HAPLN1: variants seen among roughly 807,000 people sequenced by gnomAD.
HAPLN1 encodes Cartilage link protein.
A neutral mutation model predicts 36.5 loss-of-function variants in HAPLN1; 13 were observed. The observed-to-expected ratio is 0.36, with a 90% confidence interval of 0.23 to 0.57. The LOEUF (loss-of-function observed/expected upper bound fraction) is 0.57. HAPLN1 is among the 20% of genes least tolerant of loss of function. The pLI, the probability that HAPLN1 is intolerant of heterozygous loss-of-function variation, is 0.83. For missense variants in HAPLN1, 407 were observed against 439.7 expected (o/e 0.93, Z 0.66); for synonymous variants, 202 against 169.8 (o/e 1.19, Z -1.48).
chr5:83,707,817 T>G (rs934074993), intron 1 of HAPLN1, among the ~76,000 whole-genome samples: 1 of 152,090 alleles, frequency 6.6e-6, no homozygotes, highest in African/African-American at 2.4e-5. Context: ...GAGAAAATGT[T>G]TGCAAACTAT....
At chr5:83,646,684 C>T (rs962387516) in intron 3 of HAPLN1, among the ~76,000 whole-genome samples, 12 of 152,308 alleles carry the variant, frequency 7.9e-5, no homozygotes, top group African/African-American at 2.2e-4. Context: ...TCTTGGTTGC[C>T]ACTAACTCCT....
rs144082755 is a variant in HAPLN1 at position 83,673,448 on chromosome 5, G to C, written c.76C>G (p.His26Asp). 1.9e-6 allele frequency: 3 copies of C among 1,609,286 alleles called. No homozygotes were observed. Among genetic ancestry groups the C allele is most frequent in the African/African-American group, 2.7e-5 (2 of 74,708 alleles). The change falls in exon 2 of 5, where the codon CAT (histidine) becomes GAT (aspartate). Residue 26 changes from histidine (H) to aspartate (D), a missense_variant. Transcript: ENST00000274341. Reference sequence around the variant, plus strand: ...CCTTGGATGTGAATAGCTCTGTCATGATCCAGAGTATAGTTGTCTGAAAGA... The same window carrying C: ...CCTTGGATGTGAATAGCTCTGTCATCATCCAGAGTATAGTTGTCTGAAAGA... ...DHLSDNYTLD[H>D]DRAIHIQAEN...
chr5:83,719,591 A>G (rs1055758142), intron 1 of HAPLN1, among the ~76,000 whole-genome samples: 6 of 152,210 alleles, frequency 3.9e-5, no homozygotes, highest in African/African-American at 1.4e-4. Context: ...TTTGTAGGTA[A>G]ATGGAATTTG....
At chr5:83,673,376 T>C in intron 2 of HAPLN1, 48 bp downstream of exon 2, 1 of 1,308,148 alleles carries the variant, frequency 7.6e-7, no homozygotes, top group Non-Finnish European at 1.1e-6. Context: ...CAACTCTAAG[T>C]AACTTAAAAT....
At chr5:83,706,474 A>G (rs1030672113) in intron 1 of HAPLN1, among the ~76,000 whole-genome samples, 3 of 152,250 alleles carry the variant, frequency 2.0e-5, no homozygotes, top group Non-Finnish European at 2.9e-5. Flanking sequence ...AACTAAAGAC[A>G]AAACCCACAT....
rs1561295331 is a variant in HAPLN1 at position 83,638,693 on chromosome 5, G to A, written c.*2803C>T. 6.6e-6 allele frequency: 1 copy of A among 151,894 alleles called. No individual in the cohort carries two copies. Among genetic ancestry groups the A allele is most frequent in the Non-Finnish European group, 1.5e-5 (1 of 67,910 alleles). 9.4% of individuals were successfully genotyped at this position (151,894 alleles called of 1,614,324 possible). A position where few individuals can be genotyped will look rare whatever the true frequency, so the allele number is the denominator to read the frequency against. ...GTTGCATAAAATAACACTTTGACAG[G>A]TACCAGCCCCCTTTCCATGAGAGAA... On this transcript the variant is annotated 3_prime_UTR_variant, in exon 5 of 5. Transcript: ENST00000274341.
chr5:83,680,833 A>G (rs534957075), intron 1 of HAPLN1, among the ~76,000 whole-genome samples: 2 of 152,298 alleles, frequency 1.3e-5, no homozygotes, highest in Admixed American at 6.5e-5. Context: ...CATTATACAC[A>G]AAGATCATCA....
At chr5:83,710,100 G>T (rs977695381) in intron 1 of HAPLN1, among the ~76,000 whole-genome samples, 1 of 152,206 alleles carries the variant, frequency 6.6e-6, no homozygotes, top group Non-Finnish European at 1.5e-5. Context: ...TGCTAGTGCA[G>T]GTGGTTTAGA....
chr5:83,652,374 A>G (rs1188222313), intron 3 of HAPLN1, 79 bp downstream of exon 3: 13 of 1,419,860 alleles, frequency 9.2e-6, no homozygotes, highest in Admixed American at 2.2e-5. Flanking sequence ...TGTGTTAACC[A>G]CTAGACATTA....
chr5:83,693,105 A>G (rs1025989197), intron 1 of HAPLN1, among the ~76,000 whole-genome samples: 5 of 151,886 alleles, frequency 3.3e-5, no homozygotes, highest in Admixed American at 1.3e-4. Context: ...ATAACAATAT[A>G]CTGTCATAAA....
At chr5:83,643,814 A>C (rs1407512848) in intron 4 of HAPLN1, among the ~76,000 whole-genome samples, 1 of 152,214 alleles carries the variant, frequency 6.6e-6, no homozygotes, top group African/African-American at 2.4e-5. Flanking sequence ...CAGCAAGAGA[A>C]GGGCTGAGAG....
intron 2 of HAPLN1, among the ~76,000 whole-genome samples, chr5:83,665,544 A>G (rs1750528155): frequency 6.6e-6 from 1 of 152,130 alleles, no homozygotes; most frequent in Non-Finnish European, 1.5e-5. Context: ...TTTTATTTTA[A>G]ACTTTCAATC....
intron 1 of HAPLN1, among the ~76,000 whole-genome samples, chr5:83,699,570 C>CTTACATGT (rs1331299095): frequency 6.6e-6 from 1 of 152,136 alleles, no homozygotes; most frequent in Admixed American, 6.6e-5. Context: ...TTTATGTATG[C>CTTACATGT]TTACATGTTT....
chr5:83,645,798 A>G (rs1199159985), intron 3 of HAPLN1, among the ~76,000 whole-genome samples: 2 of 152,058 alleles, frequency 1.3e-5, no homozygotes, highest in Non-Finnish European at 2.9e-5. Flanking sequence ...ATTTAAAAGT[A>G]TTTCCATTAC....
Position 83,652,619 on chromosome 5 carries a change from T to A in HAPLN1, c.306A>T (p.Lys102Asn), listed in dbSNP as rs745544286. The change falls in exon 3 of 5, where the codon AAA becomes AAT. Residue 102 changes from lysine to asparagine, a missense_variant. By Grantham distance (94) the Lys-to-Asn change is moderately conservative (BLOSUM62 0). Coordinates refer to ENST00000274341, the MANE Select transcript of HAPLN1 (RefSeq NM_001884.4). ...VDVFVSMGYH[K>N]KTYGGYQGRV... is the part of the protein sequence containing the mutation. ...TACCCTGGTAGCCTCCATAGGTTTTTTTGTGGTATCCCATGGAAACAAAAA... is the reference window on the plus strand; with the variant it reads ...TACCCTGGTAGCCTCCATAGGTTTTATTGTGGTATCCCATGGAAACAAAAA... 3.1e-6 allele frequency: 5 copies of A among 1,614,086 alleles called. No individual in the cohort carries two copies.
rs73769325 is a variant in HAPLN1 at position 83,662,672 on chromosome 5, C to T, written c.101-9848G>A. On this transcript the variant is annotated intron_variant, in intron 2 of 4. Transcript: ENST00000274341. ...GGATATGGGGAAACGAAAACATTAG[C>T]ATGAGTCATTCTTCTTCATTAGGCT... 1.7e-3 allele frequency among the ~76,000 whole-genome samples: 256 copies of T among 152,326 alleles called. 2 individuals carry two copies. Among genetic ancestry groups the T allele is most frequent in the African/African-American group, 6.0e-3 (250 of 41,570 alleles).
chr5:83,658,928 A>C (rs1344463783), intron 2 of HAPLN1, among the ~76,000 whole-genome samples: 4 of 152,194 alleles, frequency 2.6e-5, no homozygotes, highest in African/African-American at 2.4e-5. Flanking sequence ...TAAGAAAGGT[A>C]GTAGAAAAAT....
In HAPLN1 at chr5:83,644,608, G is replaced by A. The variant is rs1176234826; in HGVS notation, c.530C>T (p.Ala177Val). Reference sequence around the variant, plus strand: ...ATCCTGGTCCAGACACGCCTGCTGCGCCTCGTGAAAATTGAGATTGTAGCG... The same window carrying A: ...ATCCTGGTCCAGACACGCCTGCTGCACCTCGTGAAAATTGAGATTGTAGCG... ...LGRYNLNFHE[A>V]QQACLDQDAV... The change falls in exon 4 of 5, where the codon GCG becomes GTG. Residue 177 changes from alanine (A) to valine (V), a missense_variant. Physicochemically the swap from Ala to Val is moderately conservative, Grantham distance 64 (BLOSUM62 0). Transcript: ENST00000274341. The A allele has an allele frequency of 2.0e-6, 3 of 1,518,300 alleles. No homozygotes were observed. The highest frequency in any genetic ancestry group is 2.7e-6 in the Non-Finnish European group (3 of 1,130,768). The allele number at this position is 1,518,300 out of a possible 1,614,324, so 94.1% of individuals were successfully genotyped here.
intron 2 of HAPLN1, among the ~76,000 whole-genome samples, chr5:83,661,216 A>T (rs1433648934): frequency 6.6e-6 from 1 of 152,012 alleles, no homozygotes; most frequent in Non-Finnish European, 1.5e-5. Flanking sequence ...CTATATCTAT[A>T]TCTATACCTG....
Sources: allele counts gnomAD v4.1 joint callset (sites outside exome capture counted in the v4.1 genomes callset), GRCh38; gene constraint gnomAD v4.1.1; transcripts MANE v1.5; gene names NCBI Gene and HGNC (gene_info 2026-07-23, HGNC 2026-07-21).